Variants in SPA17 observed in about 807,000 individuals in gnomAD.
SPA17 encodes the protein sperm autoantigenic protein 17.
SPA17 carries 7 observed loss-of-function variants against 13.8 expected under a neutral mutation model. The ratio of observed to expected loss-of-function variants is 0.51; its 90% CI spans 0.29 to 0.95. The LOEUF (loss-of-function observed/expected upper bound fraction) is 0.95, where lower values mean the gene tolerates loss of function less well. Ranked by LOEUF, SPA17 falls within the 40% of genes least tolerant of loss-of-function variation. The pLI is 0.08. For synonymous variants in SPA17, 61 were observed against 59.0 expected, an observed-to-expected ratio of 1.03 and a Z score of -0.16; for missense variants, 170 against 179.3, an observed-to-expected ratio of 0.95 and a Z score of 0.30.
chr11:124,678,515 AC>A (rs1726210245), intron 2 of SPA17, among the ~76,000 whole-genome samples: 1 of 131,086 alleles, frequency 7.6e-6, no homozygotes, highest in African/African-American at 3.7e-5. Context: ...TGAATACATA[AC>A]TGTGTGTGTG....
intron 2 of SPA17, among the ~76,000 whole-genome samples, chr11:124,680,043 T>G (rs969915834): frequency 6.6e-6 from 1 of 152,202 alleles, no homozygotes; most frequent in Non-Finnish European, 1.5e-5. Context: ...CTTTAACCTT[T>G]CTTTTCTGTA....
At position 124,696,596 on chromosome 11, in the gene SPA17, T is replaced by C. The variant is rs1054614790; in HGVS notation, c.*2150T>C. 2 of 152,176 alleles carry C rather than the reference T, an allele frequency of 1.3e-5. No homozygotes were observed. The highest frequency in any genetic ancestry group is 6.5e-5 in the Admixed American group (1 of 15,280). 9.4% of individuals were successfully genotyped at this position (152,176 alleles called of 1,614,324 possible). The stretch of plus-strand genomic sequence containing the variant: ...AGAACAACACATATGAATGACACTT[T>C]ATTAGAACTTATCTGGTTTTCCTCT... On this transcript the variant is annotated 3_prime_UTR_variant, in exon 5 of 5. Transcript: ENST00000227135.
chr11:124,690,384 T>C (rs1285515695), intron 3 of SPA17, among the ~76,000 whole-genome samples: 1 of 152,168 alleles, frequency 6.6e-6, no homozygotes, highest in Non-Finnish European at 1.5e-5. Context: ...GTAGTGCTTG[T>C]TTTCATTCAT....
intron 2 of SPA17, chr11:124,675,679 T>G (rs1045790282): frequency 1.9e-5 from 6 of 310,944 alleles, no homozygotes; most frequent in Admixed American, 9.5e-5. Flanking sequence ...GGAAGGTAAC[T>G]GCAAAAGAGC....
At chr11:124,686,547 A>G (rs759441949) in intron 3 of SPA17, among the ~76,000 whole-genome samples, 15 of 152,360 alleles carry the variant, frequency 9.8e-5, no homozygotes, top group Non-Finnish European at 1.9e-4. Flanking sequence ...GTTAGGGCAC[A>G]AAACAAGTCT....
chr11:124,677,786 G>A (rs1008968464), intron 2 of SPA17, among the ~76,000 whole-genome samples: 27 of 152,230 alleles, frequency 1.8e-4, no homozygotes, highest in African/African-American at 6.5e-4. Flanking sequence ...TAAAAACAGT[G>A]TGTTATAGGC....
intron 2 of SPA17, 78 bp from the exon 3 acceptor site, chr11:124,681,311 C>T (rs1450015065): frequency 8.4e-7 from 1 of 1,188,996 alleles, no homozygotes; most frequent in Non-Finnish European, 1.2e-6. Context: ...AAACAAGAAA[C>T]TTACATTTGT....
chr11:124,685,334 G>C (rs1943567998), intron 3 of SPA17, among the ~76,000 whole-genome samples: 1 of 152,254 alleles, frequency 6.6e-6, no homozygotes, highest in South Asian at 2.1e-4. Flanking sequence ...CTTACATGTG[G>C]TGTTGAGTTT....
At chr11:124,692,622 G>A (rs556666841) in intron 4 of SPA17, among the ~76,000 whole-genome samples, 1 of 151,948 alleles carries the variant, frequency 6.6e-6, no homozygotes, top group South Asian at 2.1e-4. Flanking sequence ...ACCCTCAAAG[G>A]CCCATTGTTC....
At chr11:124,679,043 A>G (rs1327135841) in intron 2 of SPA17, among the ~76,000 whole-genome samples, 3 of 152,036 alleles carry the variant, frequency 2.0e-5, no homozygotes, top group Non-Finnish European at 4.4e-5. Flanking sequence ...AGGCTGAGGC[A>G]AGGGAATGGC....
intron 3 of SPA17, among the ~76,000 whole-genome samples, chr11:124,681,691 T>G (rs1200491469): frequency 6.6e-6 from 1 of 152,030 alleles, no homozygotes; most frequent in Non-Finnish European, 1.5e-5. Flanking sequence ...ATTAAAATTG[T>G]GCTGGGATTT....
intron 2 of SPA17, among the ~76,000 whole-genome samples, chr11:124,680,502 A>G (rs763461016): frequency 8.5e-5 from 13 of 152,238 alleles, no homozygotes; most frequent in Non-Finnish European, 1.9e-4. Flanking sequence ...CCTTTAAAAG[A>G]AATTTAAAAG....
rs1591410112 is a variant in SPA17 at position 124,697,246 on chromosome 11, G to C, written c.*2800G>C. ...TTTAAGACAATTATATTTTCTCCTG[G>C]GTCTGTAGGTCAGTGGTAATGTAGC... is the stretch of plus-strand genomic sequence containing the variant. On this transcript the variant is annotated 3_prime_UTR_variant, in exon 5 of 5. Coordinates refer to ENST00000227135, the MANE Select transcript of SPA17 (RefSeq NM_017425.4). 1 of 152,030 alleles carries C rather than the reference G, an allele frequency of 6.6e-6. No homozygotes were observed. The highest frequency in any genetic ancestry group is 1.5e-5 in the Non-Finnish European group (1 of 68,030). 9.4% of individuals were successfully genotyped at this position (152,030 alleles called of 1,614,324 possible).
At chr11:124,692,381 C>A (rs1395748535) in intron 4 of SPA17, among the ~76,000 whole-genome samples, 1 of 151,924 alleles carries the variant, frequency 6.6e-6, no homozygotes, top group Admixed American at 6.6e-5. Context: ...GAGATTGAGA[C>A]CATCCTGGCT....
At chr11:124,679,232 A>G (rs1196244557) in intron 2 of SPA17, among the ~76,000 whole-genome samples, 1 of 152,076 alleles carries the variant, frequency 6.6e-6, no homozygotes. Context: ...ACAGAAAGGA[A>G]TTATTTCAAG....
At chr11:124,688,881 G>A (rs998821727) in intron 3 of SPA17, among the ~76,000 whole-genome samples, 39 of 152,182 alleles carry the variant, frequency 2.6e-4, no homozygotes, top group African/African-American at 8.9e-4. Context: ...GTTACTTTTA[G>A]TGGAAAAGAC....
intron 2 of SPA17, among the ~76,000 whole-genome samples, chr11:124,679,956 G>A (rs1293500121): frequency 1.3e-5 from 2 of 152,116 alleles, no homozygotes; most frequent in Admixed American, 1.3e-4. Flanking sequence ...AAACTCATTG[G>A]TCATCCTGAG....
At chr11:124,673,996 C>A in intron 1 of SPA17, 44 bp downstream of exon 1, 1 of 486,110 alleles carries the variant, frequency 2.1e-6, no homozygotes, top group Non-Finnish European at 3.7e-6. Flanking sequence ...AAGACCTAGC[C>A]TTTTCCCTTC....
At chr11:124,683,499 C>T (rs1246736061) in intron 3 of SPA17, among the ~76,000 whole-genome samples, 1 of 147,164 alleles carries the variant, frequency 6.8e-6, no homozygotes, top group African/African-American at 2.5e-5. Context: ...ATTAAATGCT[C>T]AACATAAAAG....
Sources: gnomAD v4.1 joint callset for allele counts (sites outside exome capture counted in the v4.1 genomes callset) on GRCh38, gnomAD v4.1.1 for gene constraint, MANE v1.5 for transcripts, NCBI Gene and HGNC (gene_info 2026-07-23, HGNC 2026-07-21) for gene names.